EIF4E: variants seen among roughly 807,000 people sequenced by gnomAD.
The protein encoded by EIF4E is eukaryotic translation initiation factor 4E.
For synonymous variants in EIF4E, 71 were observed against 88.5 expected, an observed-to-expected ratio of 0.80 and a Z score of 1.11; for missense variants, 113 against 265.6, an observed-to-expected ratio of 0.43 and a Z score of 3.99.
chr4:98,886,299 C>T (rs1035319585), intron 5 of EIF4E: 5 of 264,160 alleles, frequency 1.9e-5, no homozygotes, highest in Admixed American at 4.5e-5. Flanking sequence ...CCTCTGTCTA[C>T]AGAAAATGCT....
intron 1 of EIF4E, among the ~76,000 whole-genome samples, chr4:98,908,181 C>A (rs1281951372): frequency 1.3e-5 from 2 of 152,088 alleles, no homozygotes; most frequent in Non-Finnish European, 2.9e-5. Flanking sequence ...CCCACCTTCA[C>A]CCCACCCCCA....
intron 1 of EIF4E, among the ~76,000 whole-genome samples, chr4:98,919,436 T>C (rs1201817134): frequency 3.9e-4 from 60 of 152,042 alleles, no homozygotes; most frequent in Admixed American, 3.9e-3. Flanking sequence ...AGCGACAAGC[T>C]TTTCTAGGAT....
intron 5 of EIF4E, among the ~76,000 whole-genome samples, chr4:98,885,791 C>A (rs1468858824): frequency 1.3e-5 from 2 of 152,072 alleles, no homozygotes; most frequent in African/African-American, 4.8e-5. Flanking sequence ...ATAAAATTTA[C>A]CATTTTAACC....
At chr4:98,903,662 A>G (rs1402844147) in intron 1 of EIF4E, among the ~76,000 whole-genome samples, 1 of 152,154 alleles carries the variant, frequency 6.6e-6, no homozygotes, top group African/African-American at 2.4e-5. Flanking sequence ...ATTAGCCTAT[A>G]AAGTCACCCA....
At chr4:98,903,599 C>T in intron 1 of EIF4E, 1 of 397,638 alleles carries the variant, frequency 2.5e-6, no homozygotes, top group Non-Finnish European at 4.9e-6. Flanking sequence ...CCACCTTGGC[C>T]TCCCAAGGGA....
intron 1 of EIF4E, among the ~76,000 whole-genome samples, chr4:98,915,061 A>G (rs934469297): frequency 6.6e-6 from 1 of 152,194 alleles, no homozygotes; most frequent in Admixed American, 6.5e-5. Flanking sequence ...CTCCCGCCTC[A>G]GCCTTCTGAG....
chr4:98,889,363 A>G (rs1397295329), intron 3 of EIF4E, among the ~76,000 whole-genome samples: 1 of 152,200 alleles, frequency 6.6e-6, no homozygotes, highest in African/African-American at 2.4e-5. Context: ...CTATAAAATT[A>G]GCGCTACTAA....
At chr4:98,902,776 T>C (rs1724705404) in intron 1 of EIF4E, among the ~76,000 whole-genome samples, 1 of 152,074 alleles carries the variant, frequency 6.6e-6, no homozygotes, top group Non-Finnish European at 1.5e-5. Context: ...GGAGGATTAA[T>C]AGGAGGATTG....
chr4:98,913,688 A>G (rs1725249216), intron 1 of EIF4E, among the ~76,000 whole-genome samples: 1 of 152,238 alleles, frequency 6.6e-6, no homozygotes, highest in African/African-American at 2.4e-5. Context: ...TTACAAAACC[A>G]GGTATAGTCA....
At chr4:98,883,651 C>T (rs1199583665) in intron 6 of EIF4E, among the ~76,000 whole-genome samples, 2 of 151,930 alleles carry the variant, frequency 1.3e-5, no homozygotes, top group Non-Finnish European at 2.9e-5. Context: ...GATCCACCTG[C>T]CTCAGCCTCC....
At chr4:98,894,354 T>C (rs1374252224) in intron 2 of EIF4E, among the ~76,000 whole-genome samples, 8 of 152,256 alleles carry the variant, frequency 5.3e-5, no homozygotes, top group African/African-American at 1.9e-4. Flanking sequence ...TCCTAGAAGA[T>C]GGCATCTTCT....
At position 98,887,990 on chromosome 4, in the gene EIF4E, T is replaced by G; in HGVS notation, c.222-38A>C. On this transcript the variant is annotated intron_variant, in intron 3 of 6. Transcript: ENST00000450253. The surrounding 1 kb of genome is among the most constrained non-coding windows in gnomAD (Gnocchi z 4.0). ...AAATAACAATTAAAAACACAGAATATGTAATATAGAGTTTAGGTGCTTACA... is the reference window on the plus strand; with the variant it reads ...AAATAACAATTAAAAACACAGAATAGGTAATATAGAGTTTAGGTGCTTACA... 1 of 1,544,174 alleles carries G rather than the reference T, an allele frequency of 6.5e-7. No individual in the cohort carries two copies. The highest frequency in any genetic ancestry group is 8.9e-7 in the Non-Finnish European group (1 of 1,121,704).
chr4:98,909,181 T>C (rs1725003084), intron 1 of EIF4E, among the ~76,000 whole-genome samples: 1 of 152,200 alleles, frequency 6.6e-6, no homozygotes, highest in African/African-American at 2.4e-5. Context: ...AAAGCAACTA[T>C]ATAGTGAGTT....
intron 2 of EIF4E, among the ~76,000 whole-genome samples, chr4:98,894,831 T>C (rs1038063613): frequency 1.3e-4 from 20 of 152,266 alleles, no homozygotes; most frequent in Non-Finnish European, 1.8e-4. Context: ...TGGCCTGTGT[T>C]GGCTTTTGAC....
chr4:98,917,837 A>T (rs909508769), intron 1 of EIF4E, among the ~76,000 whole-genome samples: 4 of 152,222 alleles, frequency 2.6e-5, no homozygotes, highest in African/African-American at 9.6e-5. Flanking sequence ...GCACTTTGGG[A>T]GGCCAAGGCA....
chr4:98,910,855 G>C (rs1233292864), intron 1 of EIF4E, among the ~76,000 whole-genome samples: 2 of 146,420 alleles, frequency 1.4e-5, no homozygotes, highest in South Asian at 4.4e-4. Flanking sequence ...TCAGCTTCAC[G>C]AGTAGCTGGG....
At chr4:98,882,613 GTTAA>G (rs959160122) in intron 6 of EIF4E, among the ~76,000 whole-genome samples, 17 of 151,682 alleles carry the variant, frequency 1.1e-4, no homozygotes, top group African/African-American at 3.6e-4. Context: ...TAACTAAAGT[GTTAA>G]TTATCAAATT....
intron 5 of EIF4E, among the ~76,000 whole-genome samples, chr4:98,885,823 T>G (rs548681311): frequency 6.6e-6 from 1 of 152,304 alleles, no homozygotes; most frequent in East Asian, 1.9e-4. Context: ...TACAGTTCAG[T>G]GGTGTTAAGT....
Position 98,880,217 on chromosome 4 carries a change from T to C in EIF4E, c.*811A>G, listed in dbSNP as rs1289706734. ...CAGCATAAAGATACAAAAACAGACA[T>C]ACTAATTCTAGTTAGGAATGTAATT... On this transcript the variant is annotated 3_prime_UTR_variant, in exon 7 of 7. Coordinates refer to ENST00000450253, the MANE Select transcript of EIF4E (RefSeq NM_001968.5). 6.7e-6 allele frequency: 1 copy of C among 149,142 alleles called. No individual in the cohort carries two copies. The highest frequency in any genetic ancestry group is 2.0e-4 in the East Asian group (1 of 5,066). 9.2% of individuals were successfully genotyped at this position (149,142 alleles called of 1,614,324 possible).
Sources: allele counts gnomAD v4.1 joint callset (sites outside exome capture counted in the v4.1 genomes callset), GRCh38; gene constraint gnomAD v4.1.1; non-coding constraint Gnocchi (gnomAD v3.1); transcripts MANE v1.5; gene names NCBI Gene and HGNC (gene_info 2026-07-23, HGNC 2026-07-21).